Variants in SUMF1 observed in about 807,000 individuals in gnomAD.
SUMF1 encodes the protein sulfatase modifying factor 1.
In SUMF1, 48 loss-of-function variants were observed where a neutral mutation model predicts 47.6. That is an observed-to-expected ratio of 1.01 (90% CI 0.80 to 1.28). The LOEUF (loss-of-function observed/expected upper bound fraction) is 1.28. SUMF1 is among the 50% of genes most tolerant of loss of function. SUMF1 has a pLI of 0.00. For synonymous variants in SUMF1, 230 were observed against 192.1 expected, an observed-to-expected ratio of 1.20 and a Z score of -1.63; for missense variants, 571 against 485.4, an observed-to-expected ratio of 1.18 and a Z score of -1.66.
chr3:4,245,395 T>G (rs1466302962), intron 8 of SUMF1, among the ~76,000 whole-genome samples: 1 of 152,182 alleles, frequency 6.6e-6, no homozygotes, highest in African/African-American at 2.4e-5. Context: ...TGGTCTTTAA[T>G]GTTGGGACCT....
intron 8 of SUMF1, chr3:4,316,744 C>T (rs1457264365): frequency 2.6e-6 from 4 of 1,550,724 alleles, no homozygotes; most frequent in Non-Finnish European, 3.5e-6. Flanking sequence ...GAAGAAGCTC[C>T]AAAGCACTTC....
intron 8 of SUMF1, among the ~76,000 whole-genome samples, chr3:4,230,702 G>A (rs1696279670): frequency 6.6e-6 from 1 of 152,006 alleles, no homozygotes; most frequent in South Asian, 2.1e-4. Context: ...CTTCCCCAGT[G>A]GTGGGGCCGA....
chr3:4,108,315 C>T (rs148722002), intron 8 of SUMF1, among the ~76,000 whole-genome samples: 32 of 152,238 alleles, frequency 2.1e-4, no homozygotes, highest in African/African-American at 7.2e-4. Flanking sequence ...TGTTCTTTTA[C>T]ATTTGCTGAG....
chr3:4,338,988 A>C lies in SUMF1; in HGVS notation c.1014+37342T>G, dbSNP rs1056523962. Reference sequence around the variant, plus strand: ...TGAATGGGTATTGCTGACTGAGCCAACTAATGTTAGTGTGATGAGCCTGAC... The same window carrying C: ...TGAATGGGTATTGCTGACTGAGCCACCTAATGTTAGTGTGATGAGCCTGAC... On this transcript the variant is annotated intron_variant and NMD_transcript_variant, in intron 8 of 12. Transcript: ENST00000448413. Among the ~76,000 whole-genome samples, 6 of 152,292 alleles carry C rather than the reference A, an allele frequency of 3.9e-5. No homozygotes were observed. In the East Asian group the frequency reaches 1.2e-3, roughly 29 times the overall value.
At chr3:4,411,366 T>C (rs938873799) in intron 6 of SUMF1, among the ~76,000 whole-genome samples, 3 of 152,146 alleles carry the variant, frequency 2.0e-5, no homozygotes, top group African/African-American at 7.2e-5. Flanking sequence ...AGTCTTGTCA[T>C]CACAGCTCAG....
chr3:4,415,062 A>G (rs1701664986), intron 6 of SUMF1: 2 of 152,104 alleles, frequency 1.3e-5, no homozygotes, highest in Non-Finnish European at 2.9e-5. Flanking sequence ...TCCTGTCTCT[A>G]CTAAAAATAC....
At chr3:4,117,034 A>G (rs1474861420) in intron 8 of SUMF1, among the ~76,000 whole-genome samples, 4 of 152,170 alleles carry the variant, frequency 2.6e-5, no homozygotes, top group East Asian at 1.9e-4. Context: ...ATTAAAGACA[A>G]TGGCATAGAT....
At chr3:4,177,918 C>T (rs555203618) in intron 8 of SUMF1, among the ~76,000 whole-genome samples, 26 of 152,170 alleles carry the variant, frequency 1.7e-4, no homozygotes, top group Admixed American at 3.3e-4. Flanking sequence ...AACACCTCTA[C>T]GCAAATAAAC....
chr3:4,070,882 C>T (rs182049761), intron 8 of SUMF1, among the ~76,000 whole-genome samples: 6 of 152,148 alleles, frequency 3.9e-5, no homozygotes, highest in South Asian at 4.2e-4. Flanking sequence ...CCACCCACCT[C>T]GGCCTCCCAA....
At chr3:4,271,220 T>A (rs991754293) in intron 8 of SUMF1, among the ~76,000 whole-genome samples, 1 of 152,074 alleles carries the variant, frequency 6.6e-6, no homozygotes, top group African/African-American at 2.4e-5. Flanking sequence ...AAACTAGAAA[T>A]AACCAAAGTC....
intron 8 of SUMF1, among the ~76,000 whole-genome samples, chr3:4,166,978 T>A (rs1694721504): frequency 6.6e-6 from 1 of 152,110 alleles, no homozygotes; most frequent in African/African-American, 2.4e-5. Context: ...AGGTGTCTGA[T>A]GTTTAGCCTC....
At chr3:4,071,390 A>G (rs1221604468) in intron 8 of SUMF1, among the ~76,000 whole-genome samples, 1 of 152,136 alleles carries the variant, frequency 6.6e-6, no homozygotes, top group Non-Finnish European at 1.5e-5. Context: ...TCCCCTTCCT[A>G]GCCAAGAGAA....
At chr3:4,313,312 A>G (rs1345438100) in intron 8 of SUMF1, 6 of 1,614,060 alleles carry the variant, frequency 3.7e-6, no homozygotes, top group Non-Finnish European at 5.1e-6. Context: ...ATCCGACTCC[A>G]ATTACATTAT....
chr3:4,137,153 C>T (rs1574916221), intron 8 of SUMF1, among the ~76,000 whole-genome samples: 1 of 152,042 alleles, frequency 6.6e-6, no homozygotes, highest in Non-Finnish European at 1.5e-5. Flanking sequence ...AATCATGCTG[C>T]TATAAAGACA....
chr3:4,353,434 AG>A (rs1699549215), intron 8 of SUMF1, among the ~76,000 whole-genome samples: 1 of 152,090 alleles, frequency 6.6e-6, no homozygotes, highest in Non-Finnish European at 1.5e-5. Context: ...TTGTATTTTT[AG>A]TAGAGACGGG....
intron 8 of SUMF1, among the ~76,000 whole-genome samples, chr3:4,275,320 G>C (rs1692769837): frequency 6.6e-6 from 1 of 152,148 alleles, no homozygotes; most frequent in Admixed American, 6.5e-5. Context: ...GAGTTGGCAT[G>C]ATTGGGGCAC....
intron 8 of SUMF1, among the ~76,000 whole-genome samples, chr3:4,320,832 C>G (rs915675164): frequency 6.6e-6 from 1 of 152,138 alleles, no homozygotes; most frequent in African/African-American, 2.4e-5. Context: ...AAGGGAACTT[C>G]AGGAGAGCCC....
At chr3:4,054,936 C>A (rs1326077913) in intron 9 of SUMF1, among the ~76,000 whole-genome samples, 1 of 152,116 alleles carries the variant, frequency 6.6e-6, no homozygotes, top group African/African-American at 2.4e-5. Flanking sequence ...TAGGGAACAT[C>A]CCCAAGGCCA....
Position 4,149,703 on chromosome 3 carries a change from G to A in SUMF1, c.1015-80958C>T, listed in dbSNP as rs142645081. On this transcript the variant is annotated intron_variant and NMD_transcript_variant, in intron 8 of 12. Coordinates refer to the SUMF1 transcript ENST00000448413. Reference sequence around the variant, plus strand: ...ATCTATGGCCATATACTACTATCTCGAAAATTCACTGATATTGCAATTTGG... The same window carrying A: ...ATCTATGGCCATATACTACTATCTCAAAAATTCACTGATATTGCAATTTGG... 1.1e-3 allele frequency among the ~76,000 whole-genome samples: 170 copies of A among 152,180 alleles called. 1 individual carries two copies. Among genetic ancestry groups the A allele is most frequent in the Admixed American group, 6.1e-3 (93 of 15,296 alleles).
Sources: allele counts gnomAD v4.1 joint callset (sites outside exome capture counted in the v4.1 genomes callset), GRCh38; gene constraint gnomAD v4.1.1; transcripts MANE v1.5; gene names NCBI Gene and HGNC (gene_info 2026-07-23, HGNC 2026-07-21).